COX7B2: variants seen among roughly 807,000 people sequenced by gnomAD.
The protein encoded by COX7B2 is cytochrome c oxidase subunit 7B2, mitochondrial.
For missense variants in COX7B2, 109 were observed against 95.9 expected (o/e 1.14, Z -0.57); for synonymous variants, 37 against 32.1 (o/e 1.15, Z -0.51).
chr4:46,753,759 C>A (rs1480402925), intron 2 of COX7B2, among the ~76,000 whole-genome samples: 5 of 151,808 alleles, frequency 3.3e-5, no homozygotes, highest in Admixed American at 6.6e-5. Context: ...AAGAAACTAC[C>A]ATCAGAGTGA....
intron 2 of COX7B2, among the ~76,000 whole-genome samples, chr4:46,757,574 C>A (rs1715878705): frequency 6.6e-6 from 1 of 152,092 alleles, no homozygotes; most frequent in Non-Finnish European, 1.5e-5. Context: ...TCTACAAAAT[C>A]TTATCTTCCC....
chr4:46,773,637 C>A (rs1416376159), intron 2 of COX7B2, among the ~76,000 whole-genome samples: 1 of 152,094 alleles, frequency 6.6e-6, no homozygotes, highest in Admixed American at 6.6e-5. Flanking sequence ...ATATTAAAAA[C>A]CATGGTGAAG....
intron 2 of COX7B2, among the ~76,000 whole-genome samples, chr4:46,761,673 TC>T (rs1716153729): frequency 6.6e-6 from 1 of 152,112 alleles, no homozygotes; most frequent in South Asian, 2.1e-4. Flanking sequence ...ACTCAAAGGT[TC>T]ATTGCTTTGC....
chr4:46,757,325 G>A (rs1715861214), intron 2 of COX7B2, among the ~76,000 whole-genome samples: 1 of 151,050 alleles, frequency 6.6e-6, no homozygotes, highest in South Asian at 2.1e-4. Flanking sequence ...GAGGGTGGGA[G>A]GGGGGTTATG....
chr4:46,883,820 G>A (rs1029344039), intron 1 of COX7B2, among the ~76,000 whole-genome samples: 23 of 151,124 alleles, frequency 1.5e-4, no homozygotes, highest in Non-Finnish European at 2.7e-4. Flanking sequence ...TCTTGTCAAG[G>A]TCTCAAAACT....
chr4:46,756,068 A>C (rs930706128), intron 2 of COX7B2, among the ~76,000 whole-genome samples: 3 of 152,110 alleles, frequency 2.0e-5, no homozygotes, highest in Admixed American at 6.6e-5. Flanking sequence ...ATTATACTAC[A>C]AAGCTATGGT....
At chr4:46,763,194 A>ATATATGATATTATATTTATAATATATATT (rs1716324655) in intron 2 of COX7B2, among the ~76,000 whole-genome samples, 3 of 138,286 alleles carry the variant, frequency 2.2e-5, no homozygotes, top group South Asian at 4.3e-4. Context: ...TAAATATATA[A>ATATATGATATTATATTTATAATATATATT]TATATGATAT....
chr4:46,842,554 C>G (rs1461181784), intron 2 of COX7B2, among the ~76,000 whole-genome samples: 2 of 151,766 alleles, frequency 1.3e-5, no homozygotes, highest in Non-Finnish European at 2.9e-5. Context: ...CTCCCCACTC[C>G]CCCCACCCCA....
chr4:46,890,772 A>G (rs1438869371), intron 1 of COX7B2, among the ~76,000 whole-genome samples: 1 of 152,204 alleles, frequency 6.6e-6, no homozygotes, highest in African/African-American at 2.4e-5. Context: ...ACAGTGAGGA[A>G]AGATACAGTA....
intron 1 of COX7B2, among the ~76,000 whole-genome samples, chr4:46,899,718 T>C (rs1719975672): frequency 1.3e-5 from 2 of 152,208 alleles, no homozygotes; most frequent in Non-Finnish European, 2.9e-5. Flanking sequence ...ATAAAATAAA[T>C]AAATGTAAAA....
intron 2 of COX7B2, among the ~76,000 whole-genome samples, chr4:46,815,512 C>G (rs185901956): frequency 3.0e-3 from 456 of 152,164 alleles, no homozygotes; most frequent in African/African-American, 0.01. Flanking sequence ...CAGTACTAAT[C>G]AACAAAATTC....
At chr4:46,748,796 T>G (rs565883746) in intron 2 of COX7B2, among the ~76,000 whole-genome samples, 5 of 152,182 alleles carry the variant, frequency 3.3e-5, no homozygotes, top group African/African-American at 1.2e-4. Flanking sequence ...TTCTTAGAAG[T>G]AGGAGTTCTT....
chr4:46,823,162 T>C (rs12505727), intron 2 of COX7B2, among the ~76,000 whole-genome samples: 1 of 151,802 alleles, frequency 6.6e-6, no homozygotes, highest in Non-Finnish European at 1.5e-5. Flanking sequence ...CCTGAAACAG[T>C]GGCCTCCAAG....
intron 2 of COX7B2, among the ~76,000 whole-genome samples, chr4:46,827,340 A>T (rs1714766894): frequency 6.6e-6 from 1 of 152,132 alleles, no homozygotes; most frequent in Admixed American, 6.5e-5. Context: ...AAAGCTACAG[A>T]TAGAGAATCT....
intron 2 of COX7B2, among the ~76,000 whole-genome samples, chr4:46,752,599 A>G (rs1715459286): frequency 6.6e-6 from 1 of 152,074 alleles, no homozygotes; most frequent in South Asian, 2.1e-4. Flanking sequence ...TCCTATCAAT[A>G]CCTAATTTAT....
intron 1 of COX7B2, among the ~76,000 whole-genome samples, chr4:46,888,146 G>A (rs949035680): frequency 6.6e-5 from 10 of 152,108 alleles, no homozygotes; most frequent in Non-Finnish European, 1.5e-4. Context: ...GAAGCAAAGC[G>A]GTGTCGCTTT....
At position 46,859,127 on chromosome 4, in the gene COX7B2, C is replaced by T. The variant is rs575364083; in HGVS notation, c.-104-14113G>A. Among the ~76,000 whole-genome samples, 26 of 152,278 alleles carry T rather than the reference C, an allele frequency of 1.7e-4. 1 individual carries two copies. The highest frequency in any genetic ancestry group is 5.5e-4 in the African/African-American group (23 of 41,558). On this transcript the variant is annotated intron_variant, in intron 1 of 2. Coordinates refer to ENST00000355591, the MANE Select transcript of COX7B2 (RefSeq NM_130902.3). Reference sequence around the variant, plus strand: ...TGAAATAGTCCTTACCCTTGGGCTCCATAAATGGGCTGAGATGGCTGAAAA... The same window carrying T: ...TGAAATAGTCCTTACCCTTGGGCTCTATAAATGGGCTGAGATGGCTGAAAA...
chr4:46,881,715 A>AAATAAT (rs916614343), intron 1 of COX7B2, among the ~76,000 whole-genome samples: 2 of 151,870 alleles, frequency 1.3e-5, no homozygotes, highest in Non-Finnish European at 2.9e-5. Context: ...GATCCATCTC[A>AAATAAT]AATAATAATA....
intron 1 of COX7B2, among the ~76,000 whole-genome samples, chr4:46,902,457 G>C (rs1438948069): frequency 6.6e-6 from 1 of 152,082 alleles, no homozygotes; most frequent in Non-Finnish European, 1.5e-5. Flanking sequence ...TAATAATTAA[G>C]CTTATGGTCA....
Sources: allele counts gnomAD v4.1 joint callset (sites outside exome capture counted in the v4.1 genomes callset), GRCh38; gene constraint gnomAD v4.1.1; transcripts MANE v1.5; gene names NCBI Gene and HGNC (gene_info 2026-07-23, HGNC 2026-07-21).